KMO: variants seen among roughly 807,000 people sequenced by gnomAD.
The protein encoded by KMO is kynurenine 3-monooxygenase, also known as kynurenine 3-hydroxylase.
In KMO, 24 loss-of-function variants were observed where a neutral mutation model predicts 57.8. The ratio of observed to expected loss-of-function variants is 0.42; its 90% CI spans 0.30 to 0.58. KMO has a LOEUF of 0.58. KMO is among the 20% of genes least tolerant of loss of function. The pLI is 0.22. For missense variants in KMO, 483 were observed against 588.2 expected, an observed-to-expected ratio of 0.82 and a Z score of 1.85; for synonymous variants, 210 against 193.6, an observed-to-expected ratio of 1.08 and a Z score of -0.70.
intron 10 of KMO, among the ~76,000 whole-genome samples, chr1:241,586,094 A>G (rs1397972513): frequency 6.6e-6 from 1 of 152,122 alleles, no homozygotes; most frequent in African/African-American, 2.4e-5. Flanking sequence ...TATCAAAATT[A>G]AAACAGTAAT....
At chr1:241,586,803 G>T in intron 11 of KMO, 67 bp downstream of exon 11, 1 of 1,056,140 alleles carries the variant, frequency 9.5e-7, no homozygotes, top group East Asian at 2.4e-5. Context: ...GCTTATTTCT[G>T]ATCCTCAATG....
At chr1:241,548,956 T>C in intron 2 of KMO, 58 bp downstream of exon 2, 1 of 1,156,286 alleles carries the variant, frequency 8.6e-7, no homozygotes, top group Non-Finnish European at 1.3e-6. Context: ...CCTGGCACTT[T>C]GGGAGGCCAG....
At chr1:241,577,322 C>G (rs539421630) in intron 10 of KMO, among the ~76,000 whole-genome samples, 1 of 151,944 alleles carries the variant, frequency 6.6e-6, no homozygotes, top group African/African-American at 2.4e-5. Flanking sequence ...GTCATATTAC[C>G]GGAATTATTT....
chr1:241,546,543 G>A (rs1661156543), intron 1 of KMO, among the ~76,000 whole-genome samples: 1 of 152,150 alleles, frequency 6.6e-6, no homozygotes. Context: ...GAGGCAGAAA[G>A]GTGAAAATGA....
Position 241,594,796 on chromosome 1 carries a change from T to C in KMO, c.*2643T>C. 1.5e-6 allele frequency: 2 copies of C among 1,324,394 alleles called. No homozygotes were observed. Among genetic ancestry groups the C allele is most frequent in the Non-Finnish European group, 2.1e-6 (2 of 962,288 alleles). The allele number at this position is 1,324,394 out of a possible 1,614,324, so 82.0% of individuals were successfully genotyped here. ...AGCTGAATTTAAGTTGTTTTTTGTTTGTTAGCAGGTGTGGATGTGGGGTTA... is the reference window on the plus strand; with the variant it reads ...AGCTGAATTTAAGTTGTTTTTTGTTCGTTAGCAGGTGTGGATGTGGGGTTA... On this transcript the variant is annotated 3_prime_UTR_variant, in exon 15 of 15. Transcript: ENST00000366559.
Position 241,594,870 on chromosome 1 carries a change from T to C in KMO, c.*2717T>C. 2 of 631,958 alleles carry C rather than the reference T, an allele frequency of 3.2e-6. No homozygotes were observed. Among genetic ancestry groups the C allele is most frequent in the Non-Finnish European group, 2.7e-6 (1 of 369,986 alleles). 39.1% of individuals were successfully genotyped at this position (631,958 alleles called of 1,614,324 possible). On this transcript the variant is annotated 3_prime_UTR_variant, in exon 15 of 15. Transcript: ENST00000366559. ...AAATCACCCCAGAGCTTTATGTCTT[T>C]TATTCATTCTAATTCTTATTAACCG...
chr1:241,566,797 C>T (rs538677208), intron 9 of KMO, among the ~76,000 whole-genome samples, 185 bp downstream of exon 9: 1 of 152,286 alleles, frequency 6.6e-6, no homozygotes, highest in East Asian at 1.9e-4. Flanking sequence ...GAAAAACACC[C>T]TTGACGTGGC....
intron 8 of KMO, 51 bp from the exon 9 acceptor site, chr1:241,566,440 A>G: frequency 6.3e-7 from 1 of 1,578,008 alleles, no homozygotes; most frequent in East Asian, 2.3e-5. Context: ...ACCTAGTGCC[A>G]GCGTCACTTG....
chr1:241,585,020 G>A (rs1203659497), intron 10 of KMO, among the ~76,000 whole-genome samples: 2 of 152,000 alleles, frequency 1.3e-5, no homozygotes, highest in African/African-American at 4.8e-5. Context: ...GAGGTCAGGA[G>A]GTTGAGGCCA....
rs546778787 is a variant in KMO, at chr1:241,554,090, A to G, written c.313-1522A>G. On this transcript the variant is annotated intron_variant, in intron 4 of 14. Coordinates refer to ENST00000366559, the MANE Select transcript of KMO (RefSeq NM_003679.5). ...TGACTTTAATGGGCCCCAGGTGGGC[A>G]CTTTGGCCTCCATGGGCTCCTTTTC... Among the ~76,000 whole-genome samples the G allele has an allele frequency of 2.0e-5, 3 of 152,356 alleles. No homozygotes were observed. In the South Asian group the frequency reaches 6.2e-4, roughly 32 times the overall value.
intron 1 of KMO, among the ~76,000 whole-genome samples, chr1:241,538,265 A>G (rs1015799353): frequency 1.3e-5 from 2 of 152,184 alleles, no homozygotes; most frequent in African/African-American, 4.8e-5. Context: ...AAGGGCCTGC[A>G]ACTCTCTTCT....
At chr1:241,582,620 T>C (rs1029648520) in intron 10 of KMO, among the ~76,000 whole-genome samples, 2 of 152,238 alleles carry the variant, frequency 1.3e-5, no homozygotes, top group Non-Finnish European at 2.9e-5. Context: ...TTAAAAATTA[T>C]TTCAATCTCT....
intron 10 of KMO, among the ~76,000 whole-genome samples, chr1:241,577,493 G>C (rs1227153037): frequency 6.6e-6 from 1 of 152,110 alleles, no homozygotes; most frequent in East Asian, 1.9e-4. Context: ...GGTGCTTTCA[G>C]AGTTGAAGAC....
At chr1:241,557,109 A>C (rs192143530) in intron 5 of KMO, among the ~76,000 whole-genome samples, 1 of 152,232 alleles carries the variant, frequency 6.6e-6, no homozygotes, top group African/African-American at 2.4e-5. Flanking sequence ...GGATATAGAA[A>C]GTTGAGAAAG....
chr1:241,536,586 C>G, intron 1 of KMO: 1 of 733,362 alleles, frequency 1.4e-6, no homozygotes, highest in Non-Finnish European at 1.7e-6. Flanking sequence ...ATTAAGCATT[C>G]CAGTCTCAGC....
chr1:241,559,082 A>G (rs908174858), intron 5 of KMO, among the ~76,000 whole-genome samples: 1 of 152,054 alleles, frequency 6.6e-6, no homozygotes, highest in African/African-American at 2.4e-5. Context: ...CCTGGGCGAC[A>G]AGAGTGAAAC....
chr1:241,537,401 T>C (rs1326613873), intron 1 of KMO, among the ~76,000 whole-genome samples: 1 of 152,232 alleles, frequency 6.6e-6, no homozygotes, highest in Non-Finnish European at 1.5e-5. Flanking sequence ...GTGCATACTT[T>C]ATATTTTTTG....
chr1:241,562,909 A>C (rs1661920375), intron 7 of KMO, among the ~76,000 whole-genome samples: 66 of 73,502 alleles, frequency 9.0e-4, no homozygotes, highest in South Asian at 1.6e-3. Context: ...GAAGGAAGGA[A>C]GGAAGGAAAG....
rs575228028 is a variant in KMO, at chr1:241,586,812, T to C, written c.1015+76T>C. On this transcript the variant is annotated intron_variant, in intron 11 of 14. Coordinates refer to ENST00000366559, the MANE Select transcript of KMO (RefSeq NM_003679.5). ...TTGTGGGCTTATTTCTGATCCTCAA[T>C]GATCACAAACCTGTGATGTATAATG... is the stretch of plus-strand genomic sequence containing the variant. 26 of 1,029,710 alleles carry C rather than the reference T, an allele frequency of 2.5e-5. No individual in the cohort carries two copies. In the South Asian group the frequency reaches 3.0e-4, roughly 12 times the overall value. The allele number at this position is 1,029,710 out of a possible 1,614,324, so 63.8% of individuals were successfully genotyped here.
Sources: gnomAD v4.1 joint callset for allele counts (sites outside exome capture counted in the v4.1 genomes callset) on GRCh38, gnomAD v4.1.1 for gene constraint, MANE v1.5 for transcripts, NCBI Gene and HGNC (gene_info 2026-07-23, HGNC 2026-07-21) for gene names.